The following IGFL2 variants were observed in gnomAD, a reference collection of about 807,000 sequenced individuals.
IGFL2 encodes IGF like family member 2.
Under a neutral mutation model 13.9 loss-of-function variants are expected in IGFL2, and 7 were observed. The observed-to-expected ratio is 0.51, with a 90% CI of 0.29 to 0.95. The LOEUF is 0.95. Ranked by LOEUF, IGFL2 falls within the 40% of genes least tolerant of loss-of-function variation. IGFL2 has a pLI of 0.08. For missense variants in IGFL2, 138 were observed against 147.8 expected (o/e 0.93, Z 0.34); for synonymous variants, 55 against 55.8 (o/e 0.99, Z 0.07).
the IGFL2 span, among the ~76,000 whole-genome samples, chr19:46,119,105 G>A: frequency 3.3e-5 from 5 of 152,116 alleles, no homozygotes; most frequent in African/African-American, 1.2e-4. Flanking sequence ...GCTGTGCCCC[G>A]CCCTCCAGGT....
At position 46,160,338 on chromosome 19, in the gene IGFL2, C is replaced by G. The variant is rs144831255; in HGVS notation, c.20-77C>G. ...AATCTGGAACTAAGCCTTCCCCACC[C>G]TGGCCTGCCCTCCCTGAGATCAACC... On this transcript the variant is annotated intron_variant, in intron 1 of 3. Coordinates refer to ENST00000377693, the MANE Select transcript of IGFL2 (RefSeq NM_001135113.2). The G allele has an allele frequency of 1.9e-5, 25 of 1,344,350 alleles. No individual in the cohort carries two copies. The African/African-American group carries it at 3.2e-4, about 17-fold the overall frequency. The allele number at this position is 1,344,350 out of a possible 1,614,324, so 83.3% of individuals were successfully genotyped here.
the IGFL2 span, among the ~76,000 whole-genome samples, chr19:46,134,169 A>G: frequency 1.3e-5 from 2 of 152,184 alleles, no homozygotes; most frequent in Non-Finnish European, 1.5e-5. Context: ...CAGTTGTTCA[A>G]CATTCTTTCT....
At chr19:46,136,786 G>A in the IGFL2 span, 4 of 654,546 alleles carry the variant, frequency 6.1e-6, no homozygotes, top group Admixed American at 3.6e-5. Context: ...TCTCCAACCC[G>A]TTTGAGTGCA....
the IGFL2 span, among the ~76,000 whole-genome samples, chr19:46,192,271 G>A: frequency 1.3e-5 from 2 of 152,158 alleles, no homozygotes; most frequent in African/African-American, 4.8e-5. Context: ...TTCCTCATTT[G>A]TAAAATGATG....
At chr19:46,143,433 C>G (rs952033848), upstream of IGFL2, among the ~76,000 whole-genome samples, 3 of 148,676 alleles carry the variant, frequency 2.0e-5, no homozygotes, top group African/African-American at 7.5e-5. Flanking sequence ...AAGAGTCTCA[C>G]TCTGTTACCT....
chr19:46,170,180 G>A, the IGFL2 span, among the ~76,000 whole-genome samples: 5 of 152,008 alleles, frequency 3.3e-5, no homozygotes, highest in South Asian at 2.1e-4. Flanking sequence ...AGTAAGAATC[G>A]GGCTCTCAAG....
chr19:46,206,849 CG>C, the IGFL2 span: 1 of 152,250 alleles, frequency 6.6e-6, no homozygotes, highest in Non-Finnish European at 1.5e-5. Flanking sequence ...GAAATGGGGT[CG>C]GGGGTGTGAG....
the IGFL2 span, among the ~76,000 whole-genome samples, chr19:46,095,269 C>T: frequency 1.2e-3 from 181 of 152,276 alleles, no homozygotes; most frequent in African/African-American, 4.1e-3. Flanking sequence ...TTGCATTTCT[C>T]TAATGATCAG....
At chr19:46,094,241 T>C in the IGFL2 span, among the ~76,000 whole-genome samples, 2,021 of 152,230 alleles carry the variant, frequency 0.013, 31 homozygotes, top group Middle Eastern at 0.027. Context: ...ACATATAGAT[T>C]GATGGAATGT....
At chr19:46,136,816 A>G in the IGFL2 span, 1 of 692,352 alleles carries the variant, frequency 1.4e-6, no homozygotes, top group Non-Finnish European at 2.7e-6. Flanking sequence ...AGAAGCTGAA[A>G]TCCACTAAAG....
At chr19:46,206,645 G>A in the IGFL2 span, 1 of 152,198 alleles carries the variant, frequency 6.6e-6, no homozygotes, top group South Asian at 2.1e-4. Context: ...CCAAAAGAAA[G>A]TTTAATTGAA....
the IGFL2 span, among the ~76,000 whole-genome samples, chr19:46,108,789 A>C: frequency 6.6e-6 from 1 of 151,554 alleles, no homozygotes; most frequent in Non-Finnish European, 1.5e-5. Flanking sequence ...GACTGTCTGG[A>C]GTGACCAGCG....
At chr19:46,173,097 C>T in the IGFL2 span, among the ~76,000 whole-genome samples, 1 of 152,198 alleles carries the variant, frequency 6.6e-6, no homozygotes, top group East Asian at 1.9e-4. Flanking sequence ...TGAATAGTTG[C>T]ATCACATTAG....
chr19:46,108,415 C>T, the IGFL2 span, among the ~76,000 whole-genome samples: 1 of 152,124 alleles, frequency 6.6e-6, no homozygotes, highest in Non-Finnish European at 1.5e-5. Context: ...GAGCCATTAT[C>T]AAGTTTGTAT....
chr19:46,090,973 C>T, the IGFL2 span, among the ~76,000 whole-genome samples: 1 of 152,296 alleles, frequency 6.6e-6, no homozygotes, highest in Middle Eastern at 3.4e-3. Context: ...GTATCTCTCT[C>T]TGTGCTATGC....
At chr19:46,180,577 G>A in the IGFL2 span, 1 of 152,202 alleles carries the variant, frequency 6.6e-6, no homozygotes, top group Non-Finnish European at 1.5e-5. Context: ...ATATATGAAA[G>A]GGAGTTTATT....
At chr19:46,099,622 G>C in the IGFL2 span, among the ~76,000 whole-genome samples, 1 of 151,038 alleles carries the variant, frequency 6.6e-6, no homozygotes, top group African/African-American at 2.4e-5. Flanking sequence ...TCTGCCCCCC[G>C]AGTTCAAGTG....
chr19:46,099,619 C>G, the IGFL2 span, among the ~76,000 whole-genome samples: 97 of 152,044 alleles, frequency 6.4e-4, 1 homozygote, highest in Admixed American at 3.2e-3. Context: ...ACCTCTGCCC[C>G]CCGAGTTCAA....
the IGFL2 span, among the ~76,000 whole-genome samples, chr19:46,107,302 G>A: frequency 1.3e-4 from 20 of 152,300 alleles, no homozygotes; most frequent in South Asian, 2.3e-3. Flanking sequence ...ATCGGGCAGC[G>A]TCAGTCTTCA....
Sources: allele counts gnomAD v4.1 joint callset (sites outside exome capture counted in the v4.1 genomes callset), GRCh38; gene constraint gnomAD v4.1.1; transcripts MANE v1.5; gene names NCBI Gene and HGNC (gene_info 2026-07-23, HGNC 2026-07-21).